The following PRKAR2A variants were observed in gnomAD, a reference collection of about 807,000 sequenced individuals.
PRKAR2A encodes protein kinase cAMP-dependent type II regulatory subunit alpha, also known as cAMP-dependent protein kinase type II-alpha regulatory subunit.
A neutral mutation model predicts 51.9 loss-of-function variants in PRKAR2A; 29 were observed. The observed-to-expected ratio is 0.56, with a 90% CI of 0.42 to 0.76. The LOEUF (loss-of-function observed/expected upper bound fraction) is 0.76. Among genes scored for constraint, PRKAR2A ranks in the 30% least tolerant of loss-of-function variants. The pLI, the probability that PRKAR2A is intolerant of heterozygous loss-of-function variation, is 0.00. For synonymous variants in PRKAR2A, 178 were observed against 186.2 expected (o/e 0.96, Z 0.36); for missense variants, 445 against 512.1 (o/e 0.87, Z 1.26).
chr3:48,829,879 T>TATATATATACA (rs1559647006), intron 1 of PRKAR2A, among the ~76,000 whole-genome samples: 1 of 98,764 alleles, frequency 1.0e-5, no homozygotes, highest in Non-Finnish European at 2.2e-5. Flanking sequence ...ATATTTTTTT[T>TATATATATACA]TTTTTTTTAA....
intron 1 of PRKAR2A, among the ~76,000 whole-genome samples, chr3:48,839,116 C>A (rs992626031): frequency 6.6e-6 from 1 of 151,842 alleles, no homozygotes; most frequent in Non-Finnish European, 1.5e-5. Flanking sequence ...GATGAAACCC[C>A]ATCTCTACTA....
intron 1 of PRKAR2A, among the ~76,000 whole-genome samples, chr3:48,827,704 C>G (rs2107425813): frequency 6.6e-6 from 1 of 152,204 alleles, no homozygotes; most frequent in South Asian, 2.1e-4. Flanking sequence ...CGGGTGTAGT[C>G]AGTGAGTGAG....
intron 1 of PRKAR2A, among the ~76,000 whole-genome samples, chr3:48,838,554 C>G (rs1400861895): frequency 2.6e-5 from 4 of 151,514 alleles, no homozygotes; most frequent in Admixed American, 2.6e-4. Flanking sequence ...TTGTAGTGAG[C>G]TGAGATCTCA....
chr3:48,826,402 T>C (rs9311433), intron 1 of PRKAR2A, among the ~76,000 whole-genome samples: 100,550 of 152,026 alleles, frequency 0.66, 33,952 homozygotes, highest in East Asian at 0.96. Flanking sequence ...TGAAGAGACA[T>C]ACGGCAAGGT....
At chr3:48,797,274 T>TTC (rs1249868195) in intron 2 of PRKAR2A, among the ~76,000 whole-genome samples, 1 of 152,134 alleles carries the variant, frequency 6.6e-6, no homozygotes, top group Admixed American at 6.6e-5. Flanking sequence ...GTTCAAGTGA[T>TTC]TCTCCTGCCT....
rs1036860610 is a variant in PRKAR2A at position 48,752,304 on chromosome 3, T to G, written c.953A>C (p.Lys318Thr). The change falls in exon 10 of 11, where the codon AAG (lysine) becomes ACG (threonine). Residue 318 changes from lysine (K) to threonine (T), a missense_variant. Transcript: ENST00000265563. ...ILIRSRTKSNKDGGNQEVEIA... is the reference protein window; with the variant it reads ...ILIRSRTKSNTDGGNQEVEIA... ...CTCGACCTCCTGGTTCCCACCATCC[T>G]TGTTTGATTTAGTCTACAGCAGGCA... 1.2e-6 allele frequency: 2 copies of G among 1,613,718 alleles called. No homozygotes were observed. The highest frequency in any genetic ancestry group is 2.7e-5 in the African/African-American group (2 of 74,910).
At chr3:48,784,380 G>T (rs912957088) in intron 4 of PRKAR2A, among the ~76,000 whole-genome samples, 1 of 152,148 alleles carries the variant, frequency 6.6e-6, no homozygotes, top group Non-Finnish European at 1.5e-5. Flanking sequence ...AGTTCCACGT[G>T]CGTTGAATAC....
At chr3:48,816,180 T>C (rs2082871820) in intron 1 of PRKAR2A, among the ~76,000 whole-genome samples, 7 of 152,156 alleles carry the variant, frequency 4.6e-5, no homozygotes. Flanking sequence ...GTACATCCAC[T>C]GATACCCTCC....
At chr3:48,814,331 T>C (rs921137834) in intron 1 of PRKAR2A, among the ~76,000 whole-genome samples, 4 of 151,912 alleles carry the variant, frequency 2.6e-5, no homozygotes, top group African/African-American at 9.7e-5. Context: ...GGCAAGAGAA[T>C]TGCTTGAACC....
In PRKAR2A at chr3:48,847,648, T is replaced by G; in HGVS notation, c.-52A>C. The G allele has an allele frequency of 7.2e-7, 1 of 1,395,112 alleles. No individual in the cohort carries two copies. The highest frequency in any genetic ancestry group is 1.6e-5 in the South Asian group (1 of 62,988). 86.4% of individuals were successfully genotyped at this position (1,395,112 alleles called of 1,614,324 possible). On this transcript the variant is annotated 5_prime_UTR_variant, in exon 1 of 11. Transcript: ENST00000265563. The surrounding 1 kb of genome is among the most constrained non-coding windows in gnomAD (Gnocchi z 4.4). ...GGTTGGGCCGCCGGCGGCCACTGTC[T>G]CCGCGCTCACTCACGCCGGCCTTTC...
intron 5 of PRKAR2A, among the ~76,000 whole-genome samples, chr3:48,781,264 G>T (rs1244811753): frequency 6.6e-6 from 1 of 151,578 alleles, no homozygotes; most frequent in Non-Finnish European, 1.5e-5. Context: ...AGCATTACAG[G>T]TGTGAGCCAC....
rs182761325 is a variant in PRKAR2A at position 48,811,427 on chromosome 3, A to G, written c.263-3743T>C. Among the ~76,000 whole-genome samples, 8 of 152,314 alleles carry G rather than the reference A, an allele frequency of 5.3e-5. No individual in the cohort carries two copies. In the East Asian group the frequency reaches 1.5e-3, roughly 29 times the overall value. On this transcript the variant is annotated intron_variant, in intron 1 of 10. Transcript: ENST00000265563. ...GAGGTCAAGGTTGCAGTGAACTGCA[A>G]TCATGGCACTGCACTCTAGCCTGGG...
intron 9 of PRKAR2A, among the ~76,000 whole-genome samples, chr3:48,755,298 T>C (rs938265413): frequency 7.2e-5 from 11 of 151,880 alleles, no homozygotes; most frequent in African/African-American, 2.4e-4. Context: ...GCCCGGCTAC[T>C]TATTAACTTT....
intron 8 of PRKAR2A, among the ~76,000 whole-genome samples, chr3:48,757,063 A>G (rs573853799): frequency 6.6e-6 from 1 of 152,328 alleles, no homozygotes; most frequent in East Asian, 1.9e-4. Flanking sequence ...AAGTTCTAGC[A>G]TTACACAAAC....
At chr3:48,787,619 A>C (rs543897713) in intron 4 of PRKAR2A, among the ~76,000 whole-genome samples, 1 of 152,362 alleles carries the variant, frequency 6.6e-6, no homozygotes, top group South Asian at 2.1e-4. Context: ...ATAAAGAAGC[A>C]AGCCCCTTTT....
rs1368965972 is a variant in PRKAR2A, at chr3:48,807,695, A to C, written c.263-11T>G. On this transcript the variant is annotated splice_polypyrimidine_tract_variant and intron_variant, in intron 1 of 10. Transcript: ENST00000265563. ...TGCTAGGAACTGGAACTGCAAAATAAAGAAGCAACATTTAGTCATTATTAT... is the reference window on the plus strand; with the variant it reads ...TGCTAGGAACTGGAACTGCAAAATACAGAAGCAACATTTAGTCATTATTAT... The C allele has an allele frequency of 6.2e-7, 1 of 1,603,816 alleles. No homozygotes were observed. The highest frequency in any genetic ancestry group is 2.2e-5 in the East Asian group (1 of 44,736).
At chr3:48,812,396 G>A (rs1462464089) in intron 1 of PRKAR2A, among the ~76,000 whole-genome samples, 1 of 151,854 alleles carries the variant, frequency 6.6e-6, no homozygotes, top group Non-Finnish European at 1.5e-5. Context: ...CAGCAATGAC[G>A]CAGTAGGTTC....
At chr3:48,830,883 T>C (rs1188505081) in intron 1 of PRKAR2A, among the ~76,000 whole-genome samples, 5 of 152,142 alleles carry the variant, frequency 3.3e-5, no homozygotes, top group Non-Finnish European at 7.3e-5. Context: ...GCATGCACAC[T>C]GTTCACAACG....
rs560792639 is a variant in PRKAR2A, at chr3:48,810,994, T to C, written c.263-3310A>G. 1.5e-4 allele frequency among the ~76,000 whole-genome samples: 23 copies of C among 151,806 alleles called. 1 individual carries two copies. In the East Asian group the frequency reaches 3.1e-3, roughly 20 times the overall value. ...GAGTTTGAGACCAGCCCGCACAACA[T>C]AGAAAGACCCCGTGTCTTTACAAAA... On this transcript the variant is annotated intron_variant, in intron 1 of 10. Transcript: ENST00000265563.
Sources: allele counts gnomAD v4.1 joint callset (sites outside exome capture counted in the v4.1 genomes callset), GRCh38; gene constraint gnomAD v4.1.1; non-coding constraint Gnocchi (gnomAD v3.1); transcripts MANE v1.5; gene names NCBI Gene and HGNC (gene_info 2026-07-23, HGNC 2026-07-21).